ZBTB44: variants seen among roughly 807,000 people sequenced by gnomAD.
The protein encoded by ZBTB44 is zinc finger and BTB domain containing 44.
Under a neutral mutation model 54.0 loss-of-function variants are expected in ZBTB44, and 15 were observed. That is an observed-to-expected ratio of 0.28 (90% confidence interval 0.19 to 0.43). The LOEUF is 0.43. Among genes scored for constraint, ZBTB44 ranks in the 20% least tolerant of loss-of-function variants. The pLI is 1.00. For synonymous variants in ZBTB44, 230 were observed against 250.1 expected, an observed-to-expected ratio of 0.92 and a Z score of 0.76; for missense variants, 487 against 707.1, an observed-to-expected ratio of 0.69 and a Z score of 3.53.
chr11:130,264,276 C>T (rs117035790), intron 1 of ZBTB44, among the ~76,000 whole-genome samples: 3,458 of 152,168 alleles, frequency 0.023, 49 homozygotes, highest in Non-Finnish European at 0.036. Context: ...CTATCAAAGA[C>T]CTTTTCTTCC....
At position 130,309,113 on chromosome 11, in the gene ZBTB44, G is replaced by A. The variant is rs1328744637; in HGVS notation, c.-57+5262C>T. 2.0e-5 allele frequency among the ~76,000 whole-genome samples: 3 copies of A among 152,180 alleles called. No homozygotes were observed. The South Asian group carries it at 6.2e-4, about 31-fold the overall frequency. ...AGTACTGCACATAGCCCTCTCTGCAGCACACAGCAGAAGCATCATCCTGTA... is the reference window on the plus strand; with the variant it reads ...AGTACTGCACATAGCCCTCTCTGCAACACACAGCAGAAGCATCATCCTGTA... On this transcript the variant is annotated intron_variant, in intron 1 of 7. Coordinates refer to ENST00000357899, the MANE Select transcript of ZBTB44 (RefSeq NM_001301098.2).
chr11:130,279,974 C>G (rs1006854728), intron 1 of ZBTB44, among the ~76,000 whole-genome samples: 2 of 152,216 alleles, frequency 1.3e-5, no homozygotes, highest in Non-Finnish European at 2.9e-5. Flanking sequence ...AAGATTCTCT[C>G]AGAATGAAAT....
intron 2 of ZBTB44, among the ~76,000 whole-genome samples, chr11:130,253,374 T>C (rs564614264): frequency 3.3e-5 from 5 of 152,182 alleles, no homozygotes; most frequent in Non-Finnish European, 5.9e-5. Context: ...GCAAAGTCTC[T>C]GGATACAAAA....
At chr11:130,262,268 T>A (rs2136442553) in intron 1 of ZBTB44, among the ~76,000 whole-genome samples, 1 of 152,222 alleles carries the variant, frequency 6.6e-6, no homozygotes, top group East Asian at 1.9e-4. Flanking sequence ...GCCTCCCGAG[T>A]AGCTGGGATT....
rs1257480488 is a variant in ZBTB44, at chr11:130,227,249, T to C, written c.*4515A>G. 6.6e-6 allele frequency: 1 copy of C among 152,200 alleles called. No individual in the cohort carries two copies. The highest frequency in any genetic ancestry group is 1.9e-4 in the East Asian group (1 of 5,202). The allele number at this position is 152,200 out of a possible 1,614,324, so 9.4% of individuals were successfully genotyped here. Reference sequence around the variant, plus strand: ...ACAAAATCCAAAACCATTTTTGTTATTGTCAAAAGTCAAACATGCCAAGTT... The same window carrying C: ...ACAAAATCCAAAACCATTTTTGTTACTGTCAAAAGTCAAACATGCCAAGTT... On this transcript the variant is annotated 3_prime_UTR_variant, in exon 8 of 8. Coordinates refer to ENST00000357899, the MANE Select transcript of ZBTB44 (RefSeq NM_001301098.2).
intron 1 of ZBTB44, chr11:130,296,115 A>T (rs565734380): frequency 6.5e-7 from 1 of 1,534,482 alleles, no homozygotes; most frequent in African/African-American, 1.4e-5. Context: ...TTTTGCCAAC[A>T]TGTAGACAGA....
rs188807625 is a variant in ZBTB44 at position 130,295,919 on chromosome 11, G to A, written c.-57+18456C>T. 5.3e-4 allele frequency: 805 copies of A among 1,518,660 alleles called. 4 individuals carry two copies. The African/African-American group carries it at 1.0e-2, about 19-fold the overall frequency. 94.1% of individuals were successfully genotyped at this position (1,518,660 alleles called of 1,614,324 possible). On this transcript the variant is annotated intron_variant, in intron 1 of 7. Transcript: ENST00000357899. Reference sequence around the variant, plus strand: ...GGGTTGATAATGGGTGGCAGTAACGGATCTGCTGAAGCACAGAAACTTGCT... The same window carrying A: ...GGGTTGATAATGGGTGGCAGTAACGAATCTGCTGAAGCACAGAAACTTGCT...
chr11:130,310,860 C>T (rs776139729), intron 1 of ZBTB44, among the ~76,000 whole-genome samples: 1 of 152,122 alleles, frequency 6.6e-6, no homozygotes, highest in Non-Finnish European at 1.5e-5. Context: ...CCTCAGCTTC[C>T]CAAGTAGCTG....
intron 2 of ZBTB44, among the ~76,000 whole-genome samples, chr11:130,249,487 C>T (rs1304000290): frequency 3.3e-5 from 5 of 152,220 alleles, no homozygotes; most frequent in Non-Finnish European, 5.9e-5. Context: ...CCCAGAAAGA[C>T]ACTACGTCTT....
intron 1 of ZBTB44, among the ~76,000 whole-genome samples, chr11:130,293,517 C>T (rs1343925667): frequency 1.5e-5 from 2 of 135,370 alleles, no homozygotes; most frequent in South Asian, 2.4e-4. Flanking sequence ...TGGTGGCTCA[C>T]ACCTATAATC....
chr11:130,280,075 G>A (rs1174865067), intron 1 of ZBTB44, among the ~76,000 whole-genome samples: 3 of 152,242 alleles, frequency 2.0e-5, no homozygotes, highest in East Asian at 1.9e-4. Flanking sequence ...ACAAGCCAGC[G>A]CAACGGCAAT....
Position 130,236,966 on chromosome 11 carries a change from A to G in ZBTB44, c.1395T>C (p.Thr465=), listed in dbSNP as rs1479904107. ...FRCQICSATF[T]SFGEYKHHMR... Reference sequence around the variant, plus strand: ...TGTGGTGTTTATATTCCCCGAAGGAAGTGAAAGTGGCACTACATATCTGGC... The same window carrying G: ...TGTGGTGTTTATATTCCCCGAAGGAGGTGAAAGTGGCACTACATATCTGGC... Residue 465 remains threonine (T), a synonymous_variant, in exon 5 of 8, where the codon ACT becomes ACC. Transcript: ENST00000357899. 5.6e-6 allele frequency: 9 copies of G among 1,613,386 alleles called. No homozygotes were observed. The highest frequency in any genetic ancestry group is 6.8e-6 in the Non-Finnish European group (8 of 1,179,712).
chr11:130,281,439 G>A (rs1367393825), intron 1 of ZBTB44, among the ~76,000 whole-genome samples: 1 of 151,870 alleles, frequency 6.6e-6, no homozygotes, highest in South Asian at 2.1e-4. Flanking sequence ...AGGATGGCTT[G>A]AGCCCAGGAG....
intron 1 of ZBTB44, among the ~76,000 whole-genome samples, chr11:130,282,083 A>G (rs561523409): frequency 6.6e-6 from 1 of 152,336 alleles, no homozygotes. Flanking sequence ...ATTATAAACT[A>G]AAGCCTACAT....
chr11:130,312,933 C>T (rs970607539), intron 1 of ZBTB44, among the ~76,000 whole-genome samples: 1 of 152,160 alleles, frequency 6.6e-6, no homozygotes, highest in African/African-American at 2.4e-5. Context: ...CAAATAATTA[C>T]ACACATACAG....
intron 1 of ZBTB44, among the ~76,000 whole-genome samples, chr11:130,292,191 G>T (rs1048927815): frequency 1.3e-5 from 2 of 152,208 alleles, no homozygotes; most frequent in African/African-American, 4.8e-5. Flanking sequence ...GTTGTTTGCA[G>T]TTGGGCTATT....
chr11:130,238,733 T>TTCAAA, intron 3 of ZBTB44, 126 bp from the exon 4 acceptor site: 4 of 1,000,758 alleles, frequency 4.0e-6, no homozygotes, highest in African/African-American at 1.7e-5. Context: ...GTTTAACTGT[T>TTCAAA]AGACTTCAAG....
chr11:130,244,855 A>G (rs1954575005), intron 2 of ZBTB44, among the ~76,000 whole-genome samples: 1 of 152,134 alleles, frequency 6.6e-6, no homozygotes, highest in African/African-American at 2.4e-5. Flanking sequence ...TGTCATTAGG[A>G]AACAGGTACA....
At position 130,234,293 on chromosome 11, in the gene ZBTB44, T is replaced by C. The variant is rs1591918597; in HGVS notation, c.1569-20A>G. On this transcript the variant is annotated intron_variant, in intron 5 of 7. Coordinates refer to ENST00000357899, the MANE Select transcript of ZBTB44 (RefSeq NM_001301098.2). The stretch of plus-strand genomic sequence containing the variant: ...AAATCACTAGATAAGAGGCAAAGGA[T>C]GAAATATGGAATTAATTTTCAAACC... The C allele has an allele frequency of 6.6e-7, 1 of 1,509,472 alleles. No individual in the cohort carries two copies. The highest frequency in any genetic ancestry group is 1.8e-4 in the Middle Eastern group (1 of 5,714). 93.5% of individuals were successfully genotyped at this position (1,509,472 alleles called of 1,614,324 possible). A position where few individuals can be genotyped will look rare whatever the true frequency, so the allele number is the denominator to read the frequency against.
Sources: gnomAD v4.1 joint callset for allele counts (sites outside exome capture counted in the v4.1 genomes callset) on GRCh38, gnomAD v4.1.1 for gene constraint, MANE v1.5 for transcripts, NCBI Gene and HGNC (gene_info 2026-07-23, HGNC 2026-07-21) for gene names.